Variants in VMP1 observed in about 807,000 individuals in gnomAD.
VMP1 encodes the protein ectopic P-granules autophagy protein 3 homolog.
Under a neutral mutation model 56.0 loss-of-function variants are expected in VMP1, and 11 were observed. The observed-to-expected ratio is 0.20, with a 90% CI of 0.12 to 0.32. The LOEUF (loss-of-function observed/expected upper bound fraction) is 0.32. Ranked by LOEUF, VMP1 falls within the 10% of genes least tolerant of loss-of-function variation. VMP1 has a pLI of 1.00. For missense variants in VMP1, 296 were observed against 490.3 expected, an observed-to-expected ratio of 0.60 and a Z score of 3.74; for synonymous variants, 149 against 165.0, an observed-to-expected ratio of 0.90 and a Z score of 0.74.
At chr17:59,837,055 T>C (rs777261188) in intron 10 of VMP1, among the ~76,000 whole-genome samples, 2 of 151,012 alleles carry the variant, frequency 1.3e-5, no homozygotes, top group African/African-American at 2.4e-5. Flanking sequence ...CAAAAAAAAA[T>C]AGCCAGGCAT....
chr17:59,834,482 C>T (rs1175899641), intron 10 of VMP1, among the ~76,000 whole-genome samples: 2 of 151,672 alleles, frequency 1.3e-5, no homozygotes, highest in South Asian at 2.1e-4. Context: ...TATTTTGAGA[C>T]GGAGTCTAGC....
At chr17:59,829,073 G>A (rs1185446868) in intron 10 of VMP1, among the ~76,000 whole-genome samples, 1 of 152,128 alleles carries the variant, frequency 6.6e-6, no homozygotes, top group African/African-American at 2.4e-5. Context: ...CCGAGATTGC[G>A]CCACTGCACT....
chr17:59,725,030 G>A lies in VMP1; in HGVS notation c.-26-6391G>A, dbSNP rs139994987. ...AAATTAGCCAGGTGTGGTAGTGGGT[G>A]CCTGTAGTCCCAGCTACTTGGGAGG... On this transcript the variant is annotated intron_variant, in intron 1 of 11. Coordinates refer to ENST00000262291, the MANE Select transcript of VMP1 (RefSeq NM_030938.5). 2.5e-3 allele frequency among the ~76,000 whole-genome samples: 374 copies of A among 150,676 alleles called. 1 individual carries two copies. Among genetic ancestry groups the A allele is most frequent in the African/African-American group, 8.1e-3 (333 of 41,006 alleles).
chr17:59,822,678 A>G (rs2038496523), intron 10 of VMP1, among the ~76,000 whole-genome samples: 1 of 152,162 alleles, frequency 6.6e-6, no homozygotes, highest in Non-Finnish European at 1.5e-5. Flanking sequence ...TAGCCTCACC[A>G]AACCTAAAAT....
intron 1 of VMP1, among the ~76,000 whole-genome samples, chr17:59,728,746 A>T (rs537220862): frequency 6.6e-6 from 1 of 152,172 alleles, no homozygotes. Context: ...TTCATAACAT[A>T]TATTTCCTAT....
chr17:59,724,809 CAA>C (rs1376124779), intron 1 of VMP1, among the ~76,000 whole-genome samples: 3 of 151,480 alleles, frequency 2.0e-5, no homozygotes, highest in Non-Finnish European at 4.4e-5. Flanking sequence ...ACTAAAAATA[CAA>C]AAAAATTAGC....
At chr17:59,759,910 T>TG (rs2035983453) in intron 5 of VMP1, among the ~76,000 whole-genome samples, 1 of 139,466 alleles carries the variant, frequency 7.2e-6, no homozygotes, top group Non-Finnish European at 1.5e-5. Flanking sequence ...GGTGTTTTTT[T>TG]TTTTTTTTTT....
At chr17:59,741,430 A>C (rs1164562245) in intron 5 of VMP1, among the ~76,000 whole-genome samples, 1 of 152,164 alleles carries the variant, frequency 6.6e-6, no homozygotes, top group African/African-American at 2.4e-5. Context: ...AGCAAAATGA[A>C]GACAAAAGAT....
chr17:59,804,124 C>A (rs1181525638), intron 7 of VMP1, among the ~76,000 whole-genome samples: 1 of 151,388 alleles, frequency 6.6e-6, no homozygotes, highest in Non-Finnish European at 1.5e-5. Flanking sequence ...CCAAATTATA[C>A]AAATAATTAA....
chr17:59,732,238 A>ATTTG (rs761468287), intron 2 of VMP1, among the ~76,000 whole-genome samples: 1 of 151,966 alleles, frequency 6.6e-6, no homozygotes, highest in East Asian at 1.9e-4. Context: ...AGTAGTTTTC[A>ATTTG]TTTGTTTGTT....
intron 6 of VMP1, among the ~76,000 whole-genome samples, chr17:59,773,025 G>A (rs906568851): frequency 9.9e-5 from 13 of 131,816 alleles, no homozygotes; most frequent in African/African-American, 2.0e-4. Flanking sequence ...GTAGTGGTGC[G>A]ATCTCAGCTC....
At chr17:59,784,100 AGTGTGTGTGTGTGTGTGTGTGTGT>A (rs536985526) in intron 7 of VMP1, among the ~76,000 whole-genome samples, 3 of 139,108 alleles carry the variant, frequency 2.2e-5, no homozygotes, top group African/African-American at 2.7e-5. Flanking sequence ...CATCAAAAAG[AGTGTGTGTGTGTGTGTGTGTGTGT>A]GTGTGTGTGT....
intron 7 of VMP1, among the ~76,000 whole-genome samples, chr17:59,791,727 A>T (rs1034306320): frequency 5.3e-5 from 8 of 150,962 alleles, no homozygotes; most frequent in Admixed American, 4.0e-4. Flanking sequence ...GCCTCCCAAA[A>T]TGCTGGGATT....
chr17:59,804,021 A>ATACC, intron 7 of VMP1, among the ~76,000 whole-genome samples: 1 of 152,046 alleles, frequency 6.6e-6, no homozygotes, highest in Non-Finnish European at 1.5e-5. Context: ...TATTAACAAT[A>ATACC]TACGTAGAAT....
intron 5 of VMP1, among the ~76,000 whole-genome samples, chr17:59,760,286 G>A (rs1002127196): frequency 1.3e-5 from 2 of 151,902 alleles, no homozygotes; most frequent in Admixed American, 1.3e-4. Context: ...TATAATTTAT[G>A]CTTTAGTTGT....
At chr17:59,832,634 C>T (rs987283168) in intron 10 of VMP1, among the ~76,000 whole-genome samples, 5 of 151,426 alleles carry the variant, frequency 3.3e-5, no homozygotes, top group Non-Finnish European at 5.9e-5. Context: ...CGCTCTGTCG[C>T]CCAGGCTGGA....
chr17:59,757,467 A>T (rs985105944), intron 5 of VMP1, among the ~76,000 whole-genome samples: 20 of 152,192 alleles, frequency 1.3e-4, no homozygotes, highest in African/African-American at 4.6e-4. Flanking sequence ...ACTAAAACTC[A>T]TGAAAGAATG....
chr17:59,757,616 C>G (rs1268449503), intron 5 of VMP1, among the ~76,000 whole-genome samples: 1 of 151,996 alleles, frequency 6.6e-6, no homozygotes. Flanking sequence ...TTGCTCTCAC[C>G]CAGACATACT....
chr17:59,751,218 C>T (rs996174535), intron 5 of VMP1, among the ~76,000 whole-genome samples: 8 of 152,012 alleles, frequency 5.3e-5, no homozygotes, highest in African/African-American at 1.9e-4. Flanking sequence ...CATATTAATT[C>T]CCCAAAATCC....
Sources: gnomAD v4.1 joint callset for allele counts (sites outside exome capture counted in the v4.1 genomes callset) on GRCh38, gnomAD v4.1.1 for gene constraint, MANE v1.5 for transcripts, NCBI Gene and HGNC (gene_info 2026-07-23, HGNC 2026-07-21) for gene names.